The following TMEM132C variants were observed in gnomAD, a reference collection of about 807,000 sequenced individuals.
TMEM132C encodes transmembrane protein 132C.
A neutral mutation model predicts 61.4 loss-of-function variants in TMEM132C; 29 were observed. The observed-to-expected ratio is 0.47, with a 90% confidence interval of 0.35 to 0.64. The LOEUF is 0.64. Among genes scored for constraint, TMEM132C ranks in the 30% least tolerant of loss-of-function variants. TMEM132C has a pLI of 0.00. For synonymous variants in TMEM132C, 656 were observed against 633.1 expected, an observed-to-expected ratio of 1.04 and a Z score of -0.54; for missense variants, 1,408 against 1,476.9, an observed-to-expected ratio of 0.95 and a Z score of 0.76.
In TMEM132C at chr12:128,392,579, C is replaced by G. The variant is rs904857035; in HGVS notation, c.86-22153C>G. Among the ~76,000 whole-genome samples the G allele has an allele frequency of 2.6e-5, 4 of 152,188 alleles. No individual in the cohort carries two copies. The South Asian group carries it at 8.3e-4, about 32-fold the overall frequency. On this transcript the variant is annotated intron_variant, in intron 1 of 8. Transcript: ENST00000435159. The stretch of plus-strand genomic sequence containing the variant: ...AGGAGACACAGGGAGAAGGAAGGGC[C>G]AGTGTTGGCCAAGGGTATCAAAGAA...
Position 128,534,500 on chromosome 12 carries a change from G to GA in TMEM132C, c.975-9453dup, listed in dbSNP as rs1473857198. Among the ~76,000 whole-genome samples, 17 of 152,354 alleles carry GA rather than the reference G, an allele frequency of 1.1e-4. No individual in the cohort carries two copies. In the East Asian group the frequency reaches 3.1e-3, roughly 28 times the overall value. ...ACCCTGGATGCAGCAGATGAAGAAA[G>GA]AAAAGCACACCTGCCTGACCCTCCA... is the stretch of plus-strand genomic sequence containing the variant. On this transcript the variant is annotated intron_variant, in intron 2 of 8. Coordinates refer to ENST00000435159, the MANE Select transcript of TMEM132C (RefSeq NM_001136103.3).
chr12:128,445,827 T>G (rs1869962915), intron 2 of TMEM132C, among the ~76,000 whole-genome samples: 1 of 152,134 alleles, frequency 6.6e-6, no homozygotes, highest in Non-Finnish European at 1.5e-5. Context: ...CCCTGGGGAC[T>G]TCACGCTGCT....
intron 3 of TMEM132C, among the ~76,000 whole-genome samples, chr12:128,615,326 T>A (rs140571850): frequency 2.5e-3 from 376 of 152,322 alleles, no homozygotes; most frequent in African/African-American, 8.7e-3. Flanking sequence ...ATGATTCAAG[T>A]ACATTACATT....
In TMEM132C at chr12:128,455,862, G is replaced by T. The variant is rs181911868; in HGVS notation, c.974+40242G>T. 2.6e-5 allele frequency among the ~76,000 whole-genome samples: 4 copies of T among 152,278 alleles called. No individual in the cohort carries two copies. In the East Asian group the frequency reaches 7.7e-4, roughly 29 times the overall value. On this transcript the variant is annotated intron_variant, in intron 2 of 8. Transcript: ENST00000435159. ...TTGGCTCCTGTGAGCTCAGACTGTG[G>T]CCCCAGCAGCAAGGAGAGGAAGTTC...
chr12:128,378,467 A>G (rs1874289246), intron 1 of TMEM132C, among the ~76,000 whole-genome samples: 1 of 152,134 alleles, frequency 6.6e-6, no homozygotes, highest in African/African-American at 2.4e-5. Context: ...TTGCACCTTC[A>G]CTACCCAGTG....
Position 128,570,079 on chromosome 12 carries a change from T to C in TMEM132C, c.1121+25976T>C, listed in dbSNP as rs191935219. On this transcript the variant is annotated intron_variant, in intron 3 of 8. Transcript: ENST00000435159. This position sits in a 1 kb window ranked among gnomAD's most constrained non-coding sequence, Gnocchi z 4.7. ...AACACTGTCCATATTAGGAAAAATA[T>C]GAAAAAGCATATAACCCACCGTGAA... Among the ~76,000 whole-genome samples the C allele has an allele frequency of 6.6e-6, 1 of 152,220 alleles. No homozygotes were observed. Among genetic ancestry groups the C allele is most frequent in the African/African-American group, 2.4e-5 (1 of 41,538 alleles).
At chr12:128,664,165 C>A (rs980407032) in intron 4 of TMEM132C, among the ~76,000 whole-genome samples, 1 of 148,184 alleles carries the variant, frequency 6.7e-6, no homozygotes, top group Admixed American at 6.6e-5. Flanking sequence ...CGCACAGGCA[C>A]ACGCACCCAC....
At chr12:128,532,640 CAAAAAAAAAA>C (rs61283555) in intron 2 of TMEM132C, among the ~76,000 whole-genome samples, 6 of 67,160 alleles carry the variant, frequency 8.9e-5, no homozygotes, top group Non-Finnish European at 1.0e-4. Context: ...GACTCCATCT[CAAAAAAAAAA>C]AAAAAAAAAA....
Position 128,543,791 on chromosome 12 carries a change from C to T in TMEM132C, c.975-166C>T, listed in dbSNP as rs778351034. On this transcript the variant is annotated intron_variant, in intron 2 of 8. Coordinates refer to ENST00000435159, the MANE Select transcript of TMEM132C (RefSeq NM_001136103.3). ...CTTATCCACAGGCAGATCCCGCTCG[C>T]CCTGCCCTGGCATCACCACCACTGG... 2.2e-4 allele frequency among the ~76,000 whole-genome samples: 33 copies of T among 152,104 alleles called. 1 individual carries two copies. Among genetic ancestry groups the T allele is most frequent in the Admixed American group, 9.8e-4 (15 of 15,272 alleles).
chr12:128,547,177 T>A (rs1163502564), intron 3 of TMEM132C, among the ~76,000 whole-genome samples: 1 of 152,172 alleles, frequency 6.6e-6, no homozygotes, highest in Non-Finnish European at 1.5e-5. Flanking sequence ...GCCAGGAGTG[T>A]GTATTCTTGC....
chr12:128,621,914 C>G (rs1953966696), intron 4 of TMEM132C, among the ~76,000 whole-genome samples: 1 of 152,180 alleles, frequency 6.6e-6, no homozygotes, highest in Non-Finnish European at 1.5e-5. Flanking sequence ...TCAGCCTTTA[C>G]AACACTCCCT....
chr12:128,633,043 G>C (rs189874697), intron 4 of TMEM132C, among the ~76,000 whole-genome samples: 5 of 152,286 alleles, frequency 3.3e-5, no homozygotes, highest in African/African-American at 1.2e-4. Context: ...TCTGTCCTGA[G>C]GTCTTTCATG....
At chr12:128,351,933 T>C (rs1873348820) in intron 1 of TMEM132C, among the ~76,000 whole-genome samples, 1 of 152,198 alleles carries the variant, frequency 6.6e-6, no homozygotes, top group African/African-American at 2.4e-5. Flanking sequence ...CATGCAATTA[T>C]GGAGGCTGAG....
intron 2 of TMEM132C, among the ~76,000 whole-genome samples, chr12:128,451,754 G>A (rs1269951002): frequency 3.9e-5 from 6 of 152,004 alleles, no homozygotes; most frequent in Admixed American, 3.3e-4. Flanking sequence ...GAGGCTTTGT[G>A]CCACAAGTCA....
intron 4 of TMEM132C, among the ~76,000 whole-genome samples, chr12:128,620,386 A>T (rs1456019680): frequency 6.6e-6 from 1 of 152,194 alleles, no homozygotes; most frequent in East Asian, 1.9e-4. Context: ...GTGGAGCGAC[A>T]GACAGCAAAC....
chr12:128,379,874 G>C (rs1593031910), intron 1 of TMEM132C, among the ~76,000 whole-genome samples: 1 of 152,306 alleles, frequency 6.6e-6, no homozygotes, highest in South Asian at 2.1e-4. Context: ...TGTGGTCAGA[G>C]TACAGAGTTC....
rs537650084 is a variant in TMEM132C, at chr12:128,330,315, A to C, written c.85+62828A>C. Among the ~76,000 whole-genome samples the C allele has an allele frequency of 3.3e-5, 5 of 152,302 alleles. No individual in the cohort carries two copies. The East Asian group carries it at 9.7e-4, about 29-fold the overall frequency. On this transcript the variant is annotated intron_variant, in intron 1 of 8. Transcript: ENST00000435159. ...GATTGAGTAAACTAATGTGATTTGA[A>C]AATCTGGTGGTGATTCCTCTCTGCT...
At chr12:128,447,170 G>T (rs562223463) in intron 2 of TMEM132C, among the ~76,000 whole-genome samples, 1 of 152,068 alleles carries the variant, frequency 6.6e-6, no homozygotes, top group Non-Finnish European at 1.5e-5. Context: ...ACCAGTGATC[G>T]CCCCTGTCCC....
chr12:128,665,065 TCACATACACAAACACAGGCACTCA>T (rs981490076), intron 4 of TMEM132C, among the ~76,000 whole-genome samples: 8 of 133,420 alleles, frequency 6.0e-5, no homozygotes, highest in Non-Finnish European at 8.0e-5. Context: ...ATAAGCACTC[TCACATACACAAACACAGGCACTCA>T]CACATACACA....
Sources: allele counts gnomAD v4.1 joint callset (sites outside exome capture counted in the v4.1 genomes callset), GRCh38; gene constraint gnomAD v4.1.1; non-coding constraint Gnocchi (gnomAD v3.1); transcripts MANE v1.5; gene names NCBI Gene and HGNC (gene_info 2026-07-23, HGNC 2026-07-21).